The following GABRG3 variants were observed in gnomAD, a reference collection of about 807,000 sequenced individuals.
GABRG3 encodes the protein gamma-aminobutyric acid receptor subunit gamma-3.
Under a neutral mutation model 48.8 loss-of-function variants are expected in GABRG3, and 25 were observed. The ratio of observed to expected loss-of-function variants is 0.51; its 90% CI spans 0.37 to 0.72. The LOEUF (loss-of-function observed/expected upper bound fraction) is 0.72, where lower values mean the gene tolerates loss of function less well. Among genes scored for constraint, GABRG3 ranks in the 30% least tolerant of loss-of-function variants. GABRG3 has a pLI of 0.00. For missense variants in GABRG3, 394 were observed against 577.9 expected, an observed-to-expected ratio of 0.68 and a Z score of 3.26; for synonymous variants, 227 against 217.6, an observed-to-expected ratio of 1.04 and a Z score of -0.38.
Position 27,243,537 on chromosome 15 carries a change from G to C in GABRG3, c.271-83272G>C, listed in dbSNP as rs115708259. Among the ~76,000 whole-genome samples, 570 of 152,192 alleles carry C rather than the reference G, an allele frequency of 3.7e-3. 5 individuals carry two copies. Among genetic ancestry groups the C allele is most frequent in the African/African-American group, 0.013 (544 of 41,524 alleles). ...GGGGCATATTTGGCTTCCTGGGGTT[G>C]TTCTTAAATTGGAAGCAAATGCAAA... On this transcript the variant is annotated intron_variant, in intron 3 of 9. Coordinates refer to ENST00000615808, the MANE Select transcript of GABRG3 (RefSeq NM_033223.5).
intron 5 of GABRG3, among the ~76,000 whole-genome samples, chr15:27,354,240 T>A (rs963156514): frequency 3.9e-5 from 6 of 152,186 alleles, no homozygotes; most frequent in African/African-American, 1.4e-4. Context: ...CTGACAGCAT[T>A]TGTGAGTTAT....
chr15:27,056,645 G>A (rs1896552913), intron 3 of GABRG3, among the ~76,000 whole-genome samples: 1 of 152,132 alleles, frequency 6.6e-6, no homozygotes, highest in Admixed American at 6.5e-5. Flanking sequence ...TGCTGTTGGT[G>A]CTCCAAGCTC....
intron 3 of GABRG3, among the ~76,000 whole-genome samples, chr15:27,034,829 GT>G (rs1896147960): frequency 6.6e-6 from 1 of 152,180 alleles, no homozygotes; most frequent in Admixed American, 6.5e-5. Context: ...CTGCTAGTCT[GT>G]TTTTGTGTGT....
At chr15:27,237,104 C>G (rs535114207) in intron 3 of GABRG3, among the ~76,000 whole-genome samples, 8 of 152,202 alleles carry the variant, frequency 5.3e-5, no homozygotes, top group Non-Finnish European at 1.0e-4. Context: ...ATAACCTGTG[C>G]AAATGAAGAG....
At chr15:27,009,798 T>C (rs1266181177) in intron 2 of GABRG3, among the ~76,000 whole-genome samples, 3 of 152,176 alleles carry the variant, frequency 2.0e-5, no homozygotes, top group Non-Finnish European at 4.4e-5. Flanking sequence ...TCCTAAGATG[T>C]AAAGCATGCT....
At chr15:27,108,824 A>G (rs568917317) in intron 3 of GABRG3, among the ~76,000 whole-genome samples, 2 of 152,190 alleles carry the variant, frequency 1.3e-5, no homozygotes, top group African/African-American at 4.8e-5. Flanking sequence ...TGATGGAATG[A>G]TCCTCCTCAT....
At chr15:27,052,390 G>A (rs577396229) in intron 3 of GABRG3, among the ~76,000 whole-genome samples, 3 of 152,162 alleles carry the variant, frequency 2.0e-5, no homozygotes, top group Non-Finnish European at 4.4e-5. Context: ...GTGGGGCCTC[G>A]GCGTGTGGCA....
intron 3 of GABRG3, among the ~76,000 whole-genome samples, chr15:27,096,156 A>G (rs1897262928): frequency 6.6e-6 from 1 of 152,228 alleles, no homozygotes; most frequent in African/African-American, 2.4e-5. Context: ...CGTCACACAA[A>G]GCAGGGTTCT....
intron 3 of GABRG3, among the ~76,000 whole-genome samples, chr15:27,183,149 G>A (rs992561681): frequency 1.3e-5 from 2 of 151,560 alleles, no homozygotes; most frequent in African/African-American, 4.9e-5. Context: ...AACAGGCAGC[G>A]AAATAATCAG....
intron 5 of GABRG3, among the ~76,000 whole-genome samples, chr15:27,476,326 A>G (rs1364596200): frequency 6.6e-6 from 1 of 152,182 alleles, no homozygotes; most frequent in Non-Finnish European, 1.5e-5. Flanking sequence ...AATAGAAACT[A>G]TCATTGGAGA....
At chr15:27,190,156 A>G (rs929574353) in intron 3 of GABRG3, among the ~76,000 whole-genome samples, 1 of 152,188 alleles carries the variant, frequency 6.6e-6, no homozygotes, top group African/African-American at 2.4e-5. Context: ...TTTTGCATCA[A>G]TGTTCATCAA....
chr15:27,134,943 C>T (rs2140385459), intron 3 of GABRG3, among the ~76,000 whole-genome samples: 1 of 152,272 alleles, frequency 6.6e-6, no homozygotes, highest in South Asian at 2.1e-4. Flanking sequence ...AAATAAGATA[C>T]AAATTTCCAG....
chr15:27,483,649 C>G (rs987606744), intron 6 of GABRG3, among the ~76,000 whole-genome samples: 2 of 152,186 alleles, frequency 1.3e-5, no homozygotes, highest in Non-Finnish European at 2.9e-5. Context: ...TGTCAGCGTT[C>G]CCCCTCTGGG....
intron 3 of GABRG3, among the ~76,000 whole-genome samples, chr15:27,087,989 CTGTG>C (rs554741243): frequency 4.6e-4 from 64 of 139,176 alleles, no homozygotes; most frequent in South Asian, 2.5e-3. Context: ...GTGCGTGTCT[CTGTG>C]TGTGATGTGC....
chr15:27,249,465 A>ACT (rs1026080719), intron 3 of GABRG3, among the ~76,000 whole-genome samples: 66 of 152,346 alleles, frequency 4.3e-4, no homozygotes, highest in African/African-American at 1.5e-3. Context: ...AATGACAGAT[A>ACT]AAGTACCTTC....
intron 2 of GABRG3, among the ~76,000 whole-genome samples, chr15:27,011,985 A>G (rs887204394): frequency 1.3e-5 from 2 of 152,212 alleles, no homozygotes; most frequent in East Asian, 3.8e-4. Context: ...GTGGATAACT[A>G]AATAGCTTAC....
chr15:26,986,924 C>T (rs887074242), intron 2 of GABRG3, among the ~76,000 whole-genome samples: 6 of 152,188 alleles, frequency 3.9e-5, no homozygotes, highest in Non-Finnish European at 7.3e-5. Flanking sequence ...GTGAAAGAGA[C>T]AGCCTCACTG....
intron 6 of GABRG3, 25 bp downstream of exon 6, chr15:27,480,812 A>G (rs1005568534): frequency 1.9e-5 from 31 of 1,611,684 alleles, no homozygotes; most frequent in Non-Finnish European, 2.5e-5. Context: ...AAAGAGGCAC[A>G]GCTCTCAAAA....
intron 3 of GABRG3, among the ~76,000 whole-genome samples, chr15:27,160,779 C>A (rs566117605): frequency 7.9e-5 from 12 of 151,918 alleles, no homozygotes; most frequent in Admixed American, 7.9e-4. Context: ...CCCTACTGGC[C>A]TCTCATGAAT....
Sources: gnomAD v4.1 joint callset for allele counts (sites outside exome capture counted in the v4.1 genomes callset) on GRCh38, gnomAD v4.1.1 for gene constraint, MANE v1.5 for transcripts, NCBI Gene and HGNC (gene_info 2026-07-23, HGNC 2026-07-21) for gene names.